Variants in RORB observed in about 807,000 individuals in gnomAD.
The protein encoded by RORB is nuclear receptor ROR-beta.
Under a neutral mutation model 59.1 loss-of-function variants are expected in RORB, and 6 were observed. The observed-to-expected ratio is 0.10, with a 90% CI of 0.06 to 0.20. The LOEUF is 0.20. RORB is among the 10% of genes least tolerant of loss of function. The probability of loss-of-function intolerance (pLI) is 1.00; values close to 1 mark genes in which losing one functional copy is unlikely to be tolerated. For synonymous variants in RORB, 215 were observed against 204.5 expected, an observed-to-expected ratio of 1.05 and a Z score of -0.44; for missense variants, 320 against 560.5, an observed-to-expected ratio of 0.57 and a Z score of 4.33.
At chr9:74,590,041 T>A (rs763222000) in intron 1 of RORB, among the ~76,000 whole-genome samples, 1 of 152,206 alleles carries the variant, frequency 6.6e-6, no homozygotes, top group Non-Finnish European at 1.5e-5. Flanking sequence ...AGTTTTCTCA[T>A]CTGTAACATG....
intron 3 of RORB, among the ~76,000 whole-genome samples, chr9:74,639,808 T>A (rs1587400011): frequency 6.6e-6 from 1 of 152,344 alleles, no homozygotes. Context: ...AAGTTCTTTC[T>A]GAATCAATAT....
chr9:74,596,952 C>A (rs1383257849), intron 1 of RORB, among the ~76,000 whole-genome samples: 2 of 152,220 alleles, frequency 1.3e-5, no homozygotes, highest in African/African-American at 4.8e-5. Context: ...TCAGACAGCA[C>A]TGCAGAATGA....
intron 1 of RORB, among the ~76,000 whole-genome samples, chr9:74,627,339 G>A (rs1823536941): frequency 6.6e-6 from 1 of 152,074 alleles, no homozygotes; most frequent in South Asian, 2.1e-4. Context: ...TTTCCAAACT[G>A]ATAACCCCTT....
intron 1 of RORB, among the ~76,000 whole-genome samples, chr9:74,518,944 AC>A (rs1826047846): frequency 1.3e-5 from 2 of 151,978 alleles, no homozygotes; most frequent in Non-Finnish European, 2.9e-5. Context: ...CTTACAATAC[AC>A]CAAGAATACA....
chr9:74,550,516 C>T (rs1033658424), intron 1 of RORB, among the ~76,000 whole-genome samples: 2 of 152,162 alleles, frequency 1.3e-5, no homozygotes, highest in African/African-American at 4.8e-5. Context: ...CATTAGTTTC[C>T]AATGTTAGAG....
chr9:74,516,798 G>A (rs1826017149), intron 1 of RORB, among the ~76,000 whole-genome samples: 2 of 151,942 alleles, frequency 1.3e-5, no homozygotes. Context: ...TGAGTCTGGT[G>A]TTTTTTCCTT....
chr9:74,553,410 G>A (rs574779334), intron 1 of RORB, among the ~76,000 whole-genome samples: 4 of 152,054 alleles, frequency 2.6e-5, no homozygotes, highest in African/African-American at 4.8e-5. Flanking sequence ...TTTGAGACCC[G>A]GAGTAGTAAA....
chr9:74,581,022 C>T (rs1246335999), intron 1 of RORB, among the ~76,000 whole-genome samples: 1 of 152,128 alleles, frequency 6.6e-6, no homozygotes, highest in Admixed American at 6.6e-5. Flanking sequence ...CCAATTTCTT[C>T]CCTCTACATT....
chr9:74,691,839 T>C lies in RORB; in HGVS notation c.*6221T>C, dbSNP rs1056036020. 2.0e-5 allele frequency: 3 copies of C among 152,152 alleles called. No homozygotes were observed. The highest frequency in any genetic ancestry group is 2.4e-5 in the African/African-American group (1 of 41,422). 9.4% of individuals were successfully genotyped at this position (152,152 alleles called of 1,614,324 possible). On this transcript the variant is annotated 3_prime_UTR_variant, in exon 10 of 10. Coordinates refer to ENST00000376896, the MANE Select transcript of RORB (RefSeq NM_006914.4). ...GTTAAGTGTATGCTTCTTTTTGTAA[T>C]ATGACTGAGAAAGGGACAGGGCTGT...
rs1824206199 is a variant in RORB at position 74,662,593 on chromosome 9, A to G, written c.879A>G (p.Leu293=). ...AGCTCTGTCAAAATGATCAAATTCT[A>G]CTTCTGAAGTCAGGTAAGCAAGAAG... ...FMELCQNDQI[L]LLKSGCLEVV... The change falls in exon 6 of 10, where the codon CTA becomes CTG. Residue 293 remains leucine (L), a synonymous_variant. Transcript: ENST00000376896. The G allele has an allele frequency of 6.2e-7, 1 of 1,613,816 alleles. No homozygotes were observed. Among genetic ancestry groups the G allele is most frequent in the Non-Finnish European group, 8.5e-7 (1 of 1,179,994 alleles).
chr9:74,497,999 G>T lies in RORB; in HGVS notation c.7+16G>T. The stretch of plus-strand genomic sequence containing the variant: ...ACCATGCGAGGTAAGCGAGTCTGCG[G>T]GCACCGAGGCTCCCCGAGTCCGGCC... On this transcript the variant is annotated intron_variant, in intron 1 of 9. Coordinates refer to ENST00000376896, the MANE Select transcript of RORB (RefSeq NM_006914.4). 1 of 1,609,168 alleles carries T rather than the reference G, an allele frequency of 6.2e-7. No homozygotes were observed. Among genetic ancestry groups the T allele is most frequent in the Non-Finnish European group, 8.5e-7 (1 of 1,179,278 alleles).
intron 1 of RORB, among the ~76,000 whole-genome samples, chr9:74,594,330 C>T (rs916292360): frequency 1.3e-5 from 2 of 152,154 alleles, no homozygotes; most frequent in African/African-American, 4.8e-5. Context: ...GCACACCCCT[C>T]TCATACTTCA....
At chr9:74,551,085 C>T (rs1332938297) in intron 1 of RORB, among the ~76,000 whole-genome samples, 1 of 152,012 alleles carries the variant, frequency 6.6e-6, no homozygotes, top group Non-Finnish European at 1.5e-5. Flanking sequence ...TTCCATGGAA[C>T]AGTGCCGATC....
intron 9 of RORB, among the ~76,000 whole-genome samples, chr9:74,676,972 A>C (rs1182055664): frequency 6.6e-6 from 1 of 152,230 alleles, no homozygotes; most frequent in East Asian, 1.9e-4. Context: ...TTTGAAGTTC[A>C]TCTCCTCAGA....
chr9:74,661,935 G>A (rs1587412220), intron 5 of RORB, among the ~76,000 whole-genome samples: 1 of 150,708 alleles, frequency 6.6e-6, no homozygotes, highest in African/African-American at 2.5e-5. Context: ...GTGAGCCACC[G>A]CGCCCGGCCT....
At chr9:74,524,503 T>C (rs773039941) in intron 1 of RORB, among the ~76,000 whole-genome samples, 3 of 151,964 alleles carry the variant, frequency 2.0e-5, no homozygotes, top group African/African-American at 7.2e-5. Flanking sequence ...TTTCATTTCC[T>C]TTCTACAAGA....
chr9:74,651,342 C>T (rs1823987189), intron 4 of RORB, among the ~76,000 whole-genome samples: 1 of 152,116 alleles, frequency 6.6e-6, no homozygotes, highest in Non-Finnish European at 1.5e-5. Context: ...CGAGGCCAGC[C>T]TGGCCAACAT....
chr9:74,543,518 T>G (rs2118140394), intron 1 of RORB, among the ~76,000 whole-genome samples: 1 of 152,310 alleles, frequency 6.6e-6, no homozygotes, highest in South Asian at 2.1e-4. Flanking sequence ...TAGCCCTGAC[T>G]TCAGGACCAC....
Position 74,660,691 on chromosome 9 carries a change from G to A in RORB, c.712G>A (p.Ala238Thr). ...CACCATGGAAGAGCTGCACCAGCTG[G>A]CGTGGCAGACCCACACCTATGAAGA... ...QYTMEELHQLAWQTHTYEEIK... is the reference protein window; with the variant it reads ...QYTMEELHQLTWQTHTYEEIK... The change falls in exon 5 of 10, where the codon GCG (alanine) becomes ACG (threonine). Residue 238 changes from alanine to threonine, a missense_variant. By Grantham distance (58) the Ala-to-Thr change is moderately conservative. Around this residue, in one of 4 missense-constraint regions of RORB, gnomAD observed 40 missense variants for 116.9 expected, o/e 0.34. Coordinates refer to ENST00000376896, the MANE Select transcript of RORB (RefSeq NM_006914.4). The A allele has an allele frequency of 2.5e-6, 4 of 1,613,928 alleles. No individual in the cohort carries two copies. Among genetic ancestry groups the A allele is most frequent in the Non-Finnish European group, 3.4e-6 (4 of 1,179,916 alleles).
Sources: allele counts gnomAD v4.1 joint callset (sites outside exome capture counted in the v4.1 genomes callset), GRCh38; gene constraint gnomAD v4.1.1; regional missense constraint gnomAD v4.1.1; transcripts MANE v1.5; gene names NCBI Gene and HGNC (gene_info 2026-07-23, HGNC 2026-07-21).